The following RAB11FIP3 variants were observed in gnomAD, a reference collection of about 807,000 sequenced individuals.
The protein encoded by RAB11FIP3 is rab11 family-interacting protein 3.
RAB11FIP3 carries 17 observed loss-of-function variants against 77.8 expected under a neutral mutation model. That is an observed-to-expected ratio of 0.22 (90% confidence interval 0.15 to 0.33). The LOEUF (loss-of-function observed/expected upper bound fraction) is 0.33. Among genes scored for constraint, RAB11FIP3 ranks in the 10% least tolerant of loss-of-function variants. The pLI is 1.00. For missense variants in RAB11FIP3, 1,005 were observed against 1,011.2 expected (o/e 0.99, Z 0.08); for synonymous variants, 437 against 448.2 (o/e 0.98, Z 0.31).
chr16:455,987 A>G (rs548445662), intron 1 of RAB11FIP3, among the ~76,000 whole-genome samples: 1 of 152,312 alleles, frequency 6.6e-6, no homozygotes, highest in Non-Finnish European at 1.5e-5. Context: ...GTTAAAATGA[A>G]CCAACCAGAA....
intron 1 of RAB11FIP3, among the ~76,000 whole-genome samples, chr16:428,942 C>G (rs540195456): frequency 6.6e-6 from 1 of 151,972 alleles, no homozygotes; most frequent in Admixed American, 6.6e-5. Context: ...GGCTGGATGA[C>G]TTGGGATTTG....
chr16:466,905 C>T (rs2055710017), intron 2 of RAB11FIP3, among the ~76,000 whole-genome samples: 1 of 152,152 alleles, frequency 6.6e-6, no homozygotes, highest in Non-Finnish European at 1.5e-5. Flanking sequence ...GGCCAGGGCT[C>T]TCCTATCTCA....
At position 426,330 on chromosome 16, in the gene RAB11FIP3, AG is replaced by A; in HGVS notation, c.327del (p.Pro110ArgfsTer130). ...TTGCGAGCCCCGACGCCCCGGGCCC[AG>A]GGCCGCGCTCCGAAGCGCCGCTTCC... ...QLASPDAPGP[G>X]PRSEAPLPEL... On this transcript the variant is annotated frameshift_variant, in exon 1 of 14. Transcript: ENST00000262305. LOFTEE classifies it high-confidence loss of function. This position sits in a 1 kb window ranked among gnomAD's most constrained non-coding sequence, Gnocchi z 5.0. 6.8e-7 allele frequency: 1 copy of A among 1,473,162 alleles called. No individual in the cohort carries two copies. 91.3% of individuals were successfully genotyped at this position (1,473,162 alleles called of 1,614,324 possible). A position where few individuals can be genotyped will look rare whatever the true frequency, so the allele number is the denominator to read the frequency against.
intron 2 of RAB11FIP3, among the ~76,000 whole-genome samples, chr16:467,706 G>T (rs2055730952): frequency 1.2e-5 from 1 of 82,142 alleles, no homozygotes. Context: ...AGGGGCGTCA[G>T]GGAGGAGGTG....
rs2030354690 is a variant in RAB11FIP3 at position 492,362 on chromosome 16, T to TC, written c.1265+3362_1265+3363insC. Among the ~76,000 whole-genome samples the TC allele has an allele frequency of 1.3e-3, 84 of 63,624 alleles. 2 individuals are homozygous for TC. The highest frequency in any genetic ancestry group is 6.3e-3 in the African/African-American group (80 of 12,668). The allele number at this position is 63,624 out of a possible 152,430, so 41.7% of individuals were successfully genotyped here. On this transcript the variant is annotated intron_variant, in intron 5 of 13. Transcript: ENST00000262305. The stretch of plus-strand genomic sequence containing the variant: ...GCAGAAGTGCTCTTTGAAGAGGGTC[T>TC]TCCCGGGAGACCCGAGGCCGCCCAG...
At chr16:478,351 C>T (rs189853861) in intron 3 of RAB11FIP3, among the ~76,000 whole-genome samples, 1 of 152,140 alleles carries the variant, frequency 6.6e-6, no homozygotes, top group Non-Finnish European at 1.5e-5. Flanking sequence ...TGCCACCACG[C>T]CTGGCTAATT....
chr16:445,696 A>G (rs142221116), intron 1 of RAB11FIP3, among the ~76,000 whole-genome samples: 1 of 151,752 alleles, frequency 6.6e-6, no homozygotes, highest in Non-Finnish European at 1.5e-5. Context: ...TGTGGAGAGA[A>G]AGGTTCTGCC....
intron 4 of RAB11FIP3, among the ~76,000 whole-genome samples, chr16:484,830 C>CCGG (rs1297979153): frequency 6.6e-6 from 1 of 152,150 alleles, no homozygotes; most frequent in Admixed American, 6.5e-5. Flanking sequence ...CATGGTACGG[C>CCGG]CCTAAGCAGG....
chr16:480,152 G>A lies in RAB11FIP3; in HGVS notation c.904-2373G>A, dbSNP rs561500509. Among the ~76,000 whole-genome samples the A allele has an allele frequency of 7.3e-5, 11 of 151,706 alleles. No homozygotes were observed. In the South Asian group the frequency reaches 2.1e-3, roughly 29 times the overall value. ...AAACCCAAAAATTAGTGGCGTGGTG[G>A]CACGCATCTATAATCCCAGCTACTC... On this transcript the variant is annotated intron_variant, in intron 3 of 13. Transcript: ENST00000262305.
intron 1 of RAB11FIP3, among the ~76,000 whole-genome samples, chr16:459,306 A>G (rs983630771): frequency 6.6e-6 from 1 of 151,162 alleles, no homozygotes; most frequent in Admixed American, 6.6e-5. Context: ...TTGTATTTTT[A>G]GTAGAGATGG....
At chr16:430,978 T>A (rs1230262333) in intron 1 of RAB11FIP3, among the ~76,000 whole-genome samples, 1 of 152,246 alleles carries the variant, frequency 6.6e-6, no homozygotes, top group Non-Finnish European at 1.5e-5. Flanking sequence ...GCATGAGCCG[T>A]AGCGCCCAGC....
chr16:503,919 ACTCCTGTACCCCCTCAATTC>A (rs974053879), intron 7 of RAB11FIP3, among the ~76,000 whole-genome samples: 2 of 121,754 alleles, frequency 1.6e-5, no homozygotes, highest in Non-Finnish European at 1.7e-5. Context: ...CCCTTCACTT[ACTCCTGTACCCCCTCAATTC>A]CTCCTGTACC....
intron 1 of RAB11FIP3, among the ~76,000 whole-genome samples, chr16:456,466 A>T (rs1284655335): frequency 6.7e-6 from 1 of 149,238 alleles, no homozygotes; most frequent in East Asian, 2.0e-4. Flanking sequence ...AAAGAAAAAG[A>T]AAAACAAGGC....
At chr16:500,687 C>CAAAAAAA (rs56771770) in intron 6 of RAB11FIP3, among the ~76,000 whole-genome samples, 2 of 22,300 alleles carry the variant, frequency 9.0e-5, no homozygotes, top group Admixed American at 7.3e-4. Context: ...GACTCTGTCG[C>CAAAAAAA]AAAAAAAAAA....
chr16:448,855 C>T (rs1350859447), intron 1 of RAB11FIP3, among the ~76,000 whole-genome samples: 4 of 151,970 alleles, frequency 2.6e-5, no homozygotes, highest in Admixed American at 6.6e-5. Context: ...GTGGGGGTTG[C>T]GGTGAGCCAA....
At chr16:474,311 C>T (rs1184221360) in intron 3 of RAB11FIP3, among the ~76,000 whole-genome samples, 6 of 152,178 alleles carry the variant, frequency 3.9e-5, no homozygotes, top group Admixed American at 1.3e-4. Flanking sequence ...GCAGTGCTCA[C>T]ACCGGGGTGG....
chr16:440,131 C>T (rs1269012802), intron 1 of RAB11FIP3, among the ~76,000 whole-genome samples: 1 of 152,120 alleles, frequency 6.6e-6, no homozygotes, highest in African/African-American at 2.4e-5. Context: ...GCGTGAGCCA[C>T]CGCGCCCGGC....
intron 9 of RAB11FIP3, among the ~76,000 whole-genome samples, chr16:518,030 C>T (rs959830180): frequency 1.3e-5 from 2 of 152,106 alleles, no homozygotes; most frequent in Non-Finnish European, 2.9e-5. Flanking sequence ...TGCAGTGAGC[C>T]GAGATGGTGC....
At chr16:509,845 A>G (rs1266821318) in intron 8 of RAB11FIP3, among the ~76,000 whole-genome samples, 1 of 152,096 alleles carries the variant, frequency 6.6e-6, no homozygotes, top group East Asian at 1.9e-4. Flanking sequence ...TGGACCTGGC[A>G]TCTCAGGAAG....
Sources: allele counts gnomAD v4.1 joint callset (sites outside exome capture counted in the v4.1 genomes callset), GRCh38; gene constraint gnomAD v4.1.1; non-coding constraint Gnocchi (gnomAD v3.1); transcripts MANE v1.5; gene names NCBI Gene and HGNC (gene_info 2026-07-23, HGNC 2026-07-21).